DNAH7: variants seen among roughly 807,000 people sequenced by gnomAD.
DNAH7 encodes the protein dynein axonemal heavy chain 7.
In DNAH7, 397 loss-of-function variants were observed where a neutral mutation model predicts 444.6. The ratio of observed to expected loss-of-function variants is 0.89; its 90% CI spans 0.82 to 0.97. DNAH7 has a LOEUF of 0.97. Ranked by LOEUF, DNAH7 falls within the 50% of genes least tolerant of loss-of-function variation. The pLI is 0.00. For missense variants in DNAH7, 4,902 were observed against 4,800.8 expected, an observed-to-expected ratio of 1.02 and a Z score of -0.62; for synonymous variants, 1,636 against 1,624.4, an observed-to-expected ratio of 1.01 and a Z score of -0.17.
chr2:195,922,000 G>A, intron 24 of DNAH7, 88 bp downstream of exon 24: 1 of 763,122 alleles, frequency 1.3e-6, no homozygotes, highest in East Asian at 2.6e-5. Context: ...TTAACAGTAT[G>A]AGAGACAATT....
intron 27 of DNAH7, 128 bp downstream of exon 27, chr2:195,906,531 T>A: frequency 4.8e-6 from 3 of 620,002 alleles, no homozygotes; most frequent in East Asian, 8.9e-5. Context: ...GTTCAAGTGA[T>A]CCTCCCACCA....
At chr2:195,917,129 C>G (rs1446156828) in intron 24 of DNAH7, among the ~76,000 whole-genome samples, 4 of 145,322 alleles carry the variant, frequency 2.8e-5, no homozygotes, top group African/African-American at 1.0e-4. Flanking sequence ...AAAAAGATTG[C>G]ATCACTGCAC....
chr2:195,990,377 T>G (rs1693217094), intron 12 of DNAH7, among the ~76,000 whole-genome samples: 1 of 152,130 alleles, frequency 6.6e-6, no homozygotes, highest in African/African-American at 2.4e-5. Context: ...AAAAATTAGT[T>G]ACTGGCTGGA....
chr2:195,766,822 T>C (rs983802027), intron 61 of DNAH7, among the ~76,000 whole-genome samples: 5 of 152,182 alleles, frequency 3.3e-5, no homozygotes, highest in African/African-American at 1.2e-4. Flanking sequence ...ATCTACTATA[T>C]AACCACAAAA....
intron 12 of DNAH7, among the ~76,000 whole-genome samples, 172 bp downstream of exon 12, chr2:196,000,532 G>C (rs766475500): frequency 1.3e-5 from 2 of 152,152 alleles, no homozygotes; most frequent in Non-Finnish European, 2.9e-5. Flanking sequence ...TAGGAAAGTA[G>C]GTATATTTTG....
chr2:196,062,394 A>G (rs1411713693), intron 1 of DNAH7, among the ~76,000 whole-genome samples: 1 of 152,182 alleles, frequency 6.6e-6, no homozygotes, highest in Non-Finnish European at 1.5e-5. Flanking sequence ...GCTTGTACCC[A>G]AGTAGGTATG....
intron 5 of DNAH7, among the ~76,000 whole-genome samples, chr2:196,035,680 T>C (rs1291999203): frequency 2.0e-5 from 3 of 152,246 alleles, no homozygotes; most frequent in East Asian, 1.9e-4. Context: ...AAACTTAAGA[T>C]GGCAATGTAG....
rs377670116 is a variant in DNAH7 at position 195,875,660 on chromosome 2, A to T, written c.6286+15T>A. On this transcript the variant is annotated intron_variant, in intron 38 of 64. Transcript: ENST00000312428. ...GATTTTTCCATCTTAGTAATCACAA[A>T]CTCAAAAAATGTACCTGGAGGTCCC... 7.8e-6 allele frequency: 12 copies of T among 1,542,308 alleles called. No homozygotes were observed. Among genetic ancestry groups the T allele is most frequent in the Admixed American group, 2.1e-5 (1 of 46,776 alleles).
chr2:196,057,414 A>G (rs1160620544), intron 2 of DNAH7, among the ~76,000 whole-genome samples: 1 of 152,202 alleles, frequency 6.6e-6, no homozygotes, highest in Admixed American at 6.5e-5. Context: ...AAATTTTTTA[A>G]AAGAGAAAAT....
intron 3 of DNAH7, 132 bp from the exon 4 acceptor site, chr2:196,048,536 C>T: frequency 1.4e-6 from 1 of 705,324 alleles, no homozygotes; most frequent in Non-Finnish European, 2.3e-6. Context: ...AAATACTCAA[C>T]AGTAGATCTT....
intron 61 of DNAH7, among the ~76,000 whole-genome samples, chr2:195,760,923 T>C (rs2105920709): frequency 6.6e-6 from 1 of 152,064 alleles, no homozygotes; most frequent in Non-Finnish European, 1.5e-5. Flanking sequence ...GGATACTGAA[T>C]AGTGTCTGGG....
At chr2:195,967,949 C>G (rs1316647143) in intron 17 of DNAH7, among the ~76,000 whole-genome samples, 1 of 152,190 alleles carries the variant, frequency 6.6e-6, no homozygotes, top group Non-Finnish European at 1.5e-5. Flanking sequence ...TCCCACCCTT[C>G]CCTCCTCTTT....
chr2:195,987,922 A>C, intron 13 of DNAH7, 35 bp downstream of exon 13: 2 of 1,535,752 alleles, frequency 1.3e-6, no homozygotes, highest in Non-Finnish European at 1.8e-6. Context: ...GATACCAGAT[A>C]GAGATAACAG....
intron 19 of DNAH7, among the ~76,000 whole-genome samples, chr2:195,951,123 G>A (rs1178435419): frequency 1.3e-5 from 2 of 152,138 alleles, no homozygotes; most frequent in Non-Finnish European, 2.9e-5. Flanking sequence ...GTATCCCAGA[G>A]ATTCTGGTAT....
intron 63 of DNAH7, among the ~76,000 whole-genome samples, chr2:195,753,633 A>T (rs1254343400): frequency 6.6e-6 from 1 of 152,218 alleles, no homozygotes; most frequent in African/African-American, 2.4e-5. Flanking sequence ...GATTAATGTC[A>T]TTTATATAAA....
At chr2:195,797,112 T>G (rs1696182936) in intron 55 of DNAH7, among the ~76,000 whole-genome samples, 1 of 152,230 alleles carries the variant, frequency 6.6e-6, no homozygotes. Flanking sequence ...AAGAGACAGA[T>G]GAACTTGTCC....
At chr2:195,883,712 G>C (rs12470127) in intron 35 of DNAH7, among the ~76,000 whole-genome samples, 2,059 of 152,258 alleles carry the variant, frequency 0.014, 96 homozygotes, top group Admixed American at 0.08. Context: ...AAAAATATCT[G>C]TGTTGGGCAC....
At chr2:195,957,490 G>A (rs763146251) in intron 18 of DNAH7, 43 bp from the exon 19 acceptor site, 29 of 1,425,042 alleles carry the variant, frequency 2.0e-5, no homozygotes, top group Admixed American at 5.1e-5. Context: ...AGCAAACCAA[G>A]CAAATGTTTC....
In DNAH7 at chr2:195,897,712, A is replaced by G. The variant is rs1559199403; in HGVS notation, c.4602T>C (p.Asp1534=). 1.2e-6 allele frequency: 2 copies of G among 1,606,050 alleles called. No individual in the cohort carries two copies. Among genetic ancestry groups the G allele is most frequent in the Non-Finnish European group, 1.7e-6 (2 of 1,176,002 alleles). The change falls in exon 29 of 65, where the codon GAT becomes GAC. Residue 1534 remains aspartate (D), a synonymous_variant. Coordinates refer to ENST00000312428, the MANE Select transcript of DNAH7 (RefSeq NM_018897.3). The part of the protein sequence containing the change: ...EEILLLRSII[D]VNLPKFLSHD... The stretch of plus-strand genomic sequence containing the variant: ...GGGATAAAAATTTTGGCAGATTTAC[A>G]TCAATGATAGATCTAAGCAGCAAAA...
Sources: gnomAD v4.1 joint callset for allele counts (sites outside exome capture counted in the v4.1 genomes callset) on GRCh38, gnomAD v4.1.1 for gene constraint, MANE v1.5 for transcripts, NCBI Gene and HGNC (gene_info 2026-07-23, HGNC 2026-07-21) for gene names.